SCHIP1: variants seen among roughly 807,000 people sequenced by gnomAD.
SCHIP1 encodes schwannomin interacting protein 1, also known as schwannomin-interacting protein 1.
Under a neutral mutation model 29.7 loss-of-function variants are expected in SCHIP1, and 8 were observed. That is an observed-to-expected ratio of 0.27 (90% CI 0.16 to 0.49). SCHIP1 has a LOEUF of 0.49. Ranked by LOEUF, SCHIP1 falls within the 20% of genes least tolerant of loss-of-function variation. The pLI, the probability that SCHIP1 is intolerant of heterozygous loss-of-function variation, is 0.99. For synonymous variants in SCHIP1, 76 were observed against 94.9 expected (o/e 0.80, Z 1.16); for missense variants, 193 against 294.6 (o/e 0.66, Z 2.52).
the SCHIP1 span, among the ~76,000 whole-genome samples, chr3:159,462,535 G>A: frequency 6.6e-6 from 1 of 151,976 alleles, no homozygotes; most frequent in African/African-American, 2.4e-5. Flanking sequence ...CCTCCTACCT[G>A]GCTCTGACTT....
At chr3:159,677,960 C>G in the SCHIP1 span, among the ~76,000 whole-genome samples, 1 of 152,196 alleles carries the variant, frequency 6.6e-6, no homozygotes, top group East Asian at 1.9e-4. Flanking sequence ...CTCAGCATCC[C>G]CAAAGTGCTG....
At chr3:159,493,295 G>T in the SCHIP1 span, among the ~76,000 whole-genome samples, 2 of 152,122 alleles carry the variant, frequency 1.3e-5, no homozygotes, top group Non-Finnish European at 2.9e-5. Flanking sequence ...CAATTAAAAA[G>T]CACATACTGG....
At chr3:159,759,560 C>G in the SCHIP1 span, among the ~76,000 whole-genome samples, 1 of 152,146 alleles carries the variant, frequency 6.6e-6, no homozygotes, top group African/African-American at 2.4e-5. Context: ...AGTGTCTGGG[C>G]TCCTTCATGA....
chr3:159,770,573 C>A, the SCHIP1 span, among the ~76,000 whole-genome samples: 1 of 152,146 alleles, frequency 6.6e-6, no homozygotes, highest in East Asian at 1.9e-4. Flanking sequence ...TATACACTTT[C>A]ATTTCTCTTG....
At chr3:159,408,544 A>G in the SCHIP1 span, among the ~76,000 whole-genome samples, 4 of 152,284 alleles carry the variant, frequency 2.6e-5, 1 homozygote, top group African/African-American at 9.6e-5. Flanking sequence ...ATAATCAACT[A>G]TATGCCAATA....
the SCHIP1 span, among the ~76,000 whole-genome samples, chr3:159,480,689 C>G: frequency 6.6e-6 from 1 of 152,158 alleles, no homozygotes; most frequent in Non-Finnish European, 1.5e-5. Flanking sequence ...TCCTCTTTGA[C>G]TAAACCAAGA....
At chr3:159,414,665 A>G in the SCHIP1 span, among the ~76,000 whole-genome samples, 3 of 152,218 alleles carry the variant, frequency 2.0e-5, no homozygotes, top group Admixed American at 6.5e-5. Flanking sequence ...TATACTAACT[A>G]TTCTCCTAGA....
the SCHIP1 span, among the ~76,000 whole-genome samples, chr3:159,317,249 C>T: frequency 6.6e-6 from 1 of 152,200 alleles, no homozygotes; most frequent in Non-Finnish European, 1.5e-5. Context: ...TAACTTCCTT[C>T]TTAGACTGTT....
the SCHIP1 span, among the ~76,000 whole-genome samples, chr3:159,709,296 G>A: frequency 6.6e-6 from 1 of 152,088 alleles, no homozygotes; most frequent in Admixed American, 6.5e-5. Flanking sequence ...TATCTTGACT[G>A]TATCTCTATA....
At chr3:159,432,334 GTGTGTGA>G in the SCHIP1 span, among the ~76,000 whole-genome samples, 1 of 79,548 alleles carries the variant, frequency 1.3e-5, no homozygotes, top group Admixed American at 1.3e-4. Context: ...GTGTGTGTGT[GTGTGTGA>G]GAGAGAGAGA....
the SCHIP1 span, among the ~76,000 whole-genome samples, chr3:159,379,758 GCCTGGCTT>G: frequency 6.1e-4 from 92 of 150,502 alleles, 1 homozygote; most frequent in Admixed American, 3.3e-4. Flanking sequence ...AAGAAAAGCT[GCCTGGCTT>G]CCTGGGGAAA....
the SCHIP1 span, among the ~76,000 whole-genome samples, chr3:159,427,325 T>C: frequency 2.0e-5 from 3 of 151,782 alleles, no homozygotes; most frequent in Non-Finnish European, 2.9e-5. Context: ...CAAAATCTCC[T>C]TAAGCTGATA....
chr3:159,796,533 G>A, the SCHIP1 span, among the ~76,000 whole-genome samples: 80 of 152,270 alleles, frequency 5.3e-4, no homozygotes, highest in Non-Finnish European at 1.8e-4. Flanking sequence ...TGAACATAGC[G>A]TGACTGGAGC....
At chr3:159,789,792 C>T in the SCHIP1 span, among the ~76,000 whole-genome samples, 1 of 152,218 alleles carries the variant, frequency 6.6e-6, no homozygotes, top group African/African-American at 2.4e-5. Context: ...GGGATGTACC[C>T]AGTAAACCAT....
the SCHIP1 span, among the ~76,000 whole-genome samples, chr3:159,467,663 A>T: frequency 6.6e-6 from 1 of 152,126 alleles, no homozygotes; most frequent in African/African-American, 2.4e-5. Context: ...AACAATAGAA[A>T]AAAAGAGAGA....
At chr3:159,284,408 T>C in the SCHIP1 span, among the ~76,000 whole-genome samples, 4 of 152,206 alleles carry the variant, frequency 2.6e-5, no homozygotes, top group Non-Finnish European at 4.4e-5. Flanking sequence ...AATCAGCTAT[T>C]GTGTTAATCA....
At chr3:159,376,232 C>G in the SCHIP1 span, among the ~76,000 whole-genome samples, 1 of 152,152 alleles carries the variant, frequency 6.6e-6, no homozygotes, top group Non-Finnish European at 1.5e-5. Flanking sequence ...AAAAAGGAAG[C>G]AGTATTCTAC....
At chr3:159,537,070 A>G in the SCHIP1 span, among the ~76,000 whole-genome samples, 2 of 152,194 alleles carry the variant, frequency 1.3e-5, no homozygotes, top group Non-Finnish European at 2.9e-5. Context: ...GTTGTTAAAC[A>G]TTTACCAGAA....
the SCHIP1 span, among the ~76,000 whole-genome samples, chr3:159,627,761 G>T: frequency 6.6e-6 from 1 of 152,210 alleles, no homozygotes; most frequent in Non-Finnish European, 1.5e-5. Flanking sequence ...TTCTGAGGCT[G>T]CCAGGACTTG....
Sources: allele counts gnomAD v4.1 joint callset (sites outside exome capture counted in the v4.1 genomes callset), GRCh38; gene constraint gnomAD v4.1.1; transcripts MANE v1.5; gene names NCBI Gene and HGNC (gene_info 2026-07-23, HGNC 2026-07-21).